Variants in ARL15 observed in about 807,000 individuals in gnomAD.
ARL15 encodes ADP-ribosylation factor-like protein 15.
Under a neutral mutation model 25.2 loss-of-function variants are expected in ARL15, and 19 were observed. The ratio of observed to expected loss-of-function variants is 0.75; its 90% CI spans 0.53 to 1.10. The LOEUF is 1.10. Among genes scored for constraint, ARL15 ranks in the 50% least tolerant of loss-of-function variants. The pLI is 0.00. For synonymous variants in ARL15, 94 were observed against 86.8 expected (o/e 1.08, Z -0.46); for missense variants, 220 against 246.0 (o/e 0.89, Z 0.71).
At chr5:54,018,907 ATGT>A (rs1027670776) in intron 4 of ARL15, among the ~76,000 whole-genome samples, 2 of 152,142 alleles carry the variant, frequency 1.3e-5, no homozygotes, top group Admixed American at 1.3e-4. Flanking sequence ...ATAGTTCCCA[ATGT>A]TGTTGTTTTT....
chr5:54,126,872 T>G lies in ARL15; in HGVS notation c.254-13462A>C, dbSNP rs574686349. Among the ~76,000 whole-genome samples the G allele has an allele frequency of 4.1e-3, 629 of 152,226 alleles. 4 individuals carry two copies. Among genetic ancestry groups the G allele is most frequent in the African/African-American group, 0.014 (587 of 41,570 alleles). On this transcript the variant is annotated intron_variant, in intron 3 of 4. Transcript: ENST00000504924. ...ATTTTATTTTATTATTATTATACTT[T>G]AAGTTTTAGGGTACATGTGCACAAT...
At chr5:54,177,026 T>C (rs1035327272) in intron 1 of ARL15, among the ~76,000 whole-genome samples, 1 of 151,928 alleles carries the variant, frequency 6.6e-6, no homozygotes, top group Non-Finnish European at 1.5e-5. Context: ...TAGCAGCAAA[T>C]AGAGAACAGA....
At chr5:53,961,254 T>C (rs1037852429) in intron 4 of ARL15, among the ~76,000 whole-genome samples, 13 of 152,078 alleles carry the variant, frequency 8.5e-5, no homozygotes, top group African/African-American at 2.7e-4. Context: ...AATTATTTCC[T>C]TGGGGGGCCA....
chr5:54,064,344 A>C (rs3776694), intron 4 of ARL15, among the ~76,000 whole-genome samples: 47,065 of 152,058 alleles, frequency 0.31, 9,591 homozygotes, highest in African/African-American at 0.59. Context: ...CTCCCCCTGT[A>C]AGTTCCCCCA....
At chr5:54,216,818 A>G (rs538509165) in intron 1 of ARL15, among the ~76,000 whole-genome samples, 2 of 152,210 alleles carry the variant, frequency 1.3e-5, no homozygotes, top group Non-Finnish European at 2.9e-5. Context: ...AAGAGAATGT[A>G]TATACCTTAG....
At chr5:53,893,334 C>CGGTG (rs58892907) in intron 4 of ARL15, among the ~76,000 whole-genome samples, 59,192 of 151,444 alleles carry the variant, frequency 0.39, 12,597 homozygotes, top group Non-Finnish European at 0.49. Flanking sequence ...AGGCTGGGCA[C>CGGTG]GGTGGCTCAC....
intron 4 of ARL15, among the ~76,000 whole-genome samples, chr5:53,888,274 T>C (rs1352912560): frequency 1.6e-5 from 2 of 125,518 alleles, no homozygotes; most frequent in Non-Finnish European, 3.9e-5. Context: ...TATTTATTTA[T>C]TTTTTTATTT....
intron 2 of ARL15, among the ~76,000 whole-genome samples, chr5:54,161,958 C>T (rs1370954312): frequency 6.6e-6 from 1 of 150,744 alleles, no homozygotes; most frequent in African/African-American, 2.5e-5. Context: ...TCAGTACCCT[C>T]CTTCCACCCC....
chr5:54,110,922 C>T (rs891718257), intron 4 of ARL15, among the ~76,000 whole-genome samples: 2 of 151,872 alleles, frequency 1.3e-5, no homozygotes, highest in Non-Finnish European at 2.9e-5. Context: ...TTCAACAAGG[C>T]ATTTTAATAC....
rs1744506567 is a variant in ARL15, at chr5:53,885,898, T to C, written c.*663A>G. ...TAACCACTCTCAGAAACTGAAACAA[T>C]GTCTTTGCTCTTAAAAGAGAAGAGA... is the stretch of plus-strand genomic sequence containing the variant. On this transcript the variant is annotated 3_prime_UTR_variant, in exon 5 of 5. Coordinates refer to ENST00000504924, the MANE Select transcript of ARL15 (RefSeq NM_019087.3). 6.6e-6 allele frequency: 1 copy of C among 152,070 alleles called. No individual in the cohort carries two copies. Among genetic ancestry groups the C allele is most frequent in the Admixed American group, 6.5e-5 (1 of 15,268 alleles). 9.4% of individuals were successfully genotyped at this position (152,070 alleles called of 1,614,324 possible).
intron 4 of ARL15, among the ~76,000 whole-genome samples, chr5:53,982,188 TTC>T (rs1491278624): frequency 1.0e-4 from 13 of 127,980 alleles, no homozygotes; most frequent in East Asian, 7.5e-4. Flanking sequence ...TTTTTTTCTT[TTC>T]TTTTTTTATA....
At chr5:54,215,618 A>AG (rs1756179814) in intron 1 of ARL15, among the ~76,000 whole-genome samples, 1 of 64,386 alleles carries the variant, frequency 1.6e-5, no homozygotes. Flanking sequence ...AAGTGCGCGA[A>AG]GGGGGGAGGG....
chr5:53,985,930 C>T (rs1431446396), intron 4 of ARL15, among the ~76,000 whole-genome samples: 1 of 152,172 alleles, frequency 6.6e-6, no homozygotes, highest in Admixed American at 6.5e-5. Flanking sequence ...CAAAAGACAG[C>T]CTTCACTGCC....
At chr5:53,929,879 C>T (rs964747559) in intron 4 of ARL15, among the ~76,000 whole-genome samples, 2 of 152,102 alleles carry the variant, frequency 1.3e-5, no homozygotes, top group Middle Eastern at 3.4e-3. Flanking sequence ...GAAAGCAAGC[C>T]GAGGAAGAGA....
intron 1 of ARL15, among the ~76,000 whole-genome samples, chr5:54,251,427 G>A (rs1757233530): frequency 6.6e-6 from 1 of 152,098 alleles, no homozygotes; most frequent in Non-Finnish European, 1.5e-5. Flanking sequence ...TTGAATATTA[G>A]CATTAGTCAA....
intron 1 of ARL15, among the ~76,000 whole-genome samples, chr5:54,298,017 G>A (rs955620154): frequency 1.3e-5 from 2 of 152,068 alleles, no homozygotes; most frequent in African/African-American, 4.8e-5. Flanking sequence ...TCCTGACCTC[G>A]TGATCCGCCC....
chr5:53,944,422 G>A (rs544606258), intron 4 of ARL15, among the ~76,000 whole-genome samples: 1 of 151,990 alleles, frequency 6.6e-6, no homozygotes, highest in Admixed American at 6.6e-5. Flanking sequence ...ACCATCCTGG[G>A]CAACACGGTG....
rs145042303 is a variant in ARL15 at position 54,233,139 on chromosome 5, T to C, written c.49-61211A>G. On this transcript the variant is annotated intron_variant, in intron 1 of 4. Coordinates refer to ENST00000504924, the MANE Select transcript of ARL15 (RefSeq NM_019087.3). ...ATGGCCTTGATGAAGCAGTAAACTA[T>C]CAATTTTATTAAATCTTGACACGTT... Among the ~76,000 whole-genome samples, 558 of 152,328 alleles carry C rather than the reference T, an allele frequency of 3.7e-3. 3 individuals are homozygous for C. The highest frequency in any genetic ancestry group is 0.013 in the African/African-American group (540 of 41,574).
At chr5:53,926,832 T>C (rs2112036555) in intron 4 of ARL15, among the ~76,000 whole-genome samples, 1 of 152,014 alleles carries the variant, frequency 6.6e-6, no homozygotes, top group East Asian at 1.9e-4. Flanking sequence ...AGTTGTTCAA[T>C]GAGCCAGGAA....
Sources: allele counts gnomAD v4.1 joint callset (sites outside exome capture counted in the v4.1 genomes callset), GRCh38; gene constraint gnomAD v4.1.1; transcripts MANE v1.5; gene names NCBI Gene and HGNC (gene_info 2026-07-23, HGNC 2026-07-21).